Variants in RAD51B observed in about 807,000 individuals in gnomAD.
The protein encoded by RAD51B is DNA repair protein RAD51 homolog 2.
Under a neutral mutation model 42.2 loss-of-function variants are expected in RAD51B, and 38 were observed. The observed-to-expected ratio is 0.90, with a 90% CI of 0.70 to 1.18. The LOEUF (loss-of-function observed/expected upper bound fraction) is 1.18. Ranked by LOEUF, RAD51B falls within the 50% of genes most tolerant of loss-of-function variation. RAD51B has a pLI of 0.00. For synonymous variants in RAD51B, 154 were observed against 145.2 expected (o/e 1.06, Z -0.43); for missense variants, 373 against 400.7 (o/e 0.93, Z 0.59).
downstream of RAD51B, among the ~76,000 whole-genome samples, chr14:68,613,418 C>CA (rs112036417): frequency 0.25 from 35,131 of 138,390 alleles, 4,370 homozygotes; most frequent in South Asian, 0.36. Context: ...AACTCTGTCT[C>CA]AAAAAAAAAA....
intron 9 of RAD51B, among the ~76,000 whole-genome samples, chr14:68,435,521 T>C (rs1280719512): frequency 6.9e-6 from 1 of 144,348 alleles, no homozygotes; most frequent in Non-Finnish European, 1.5e-5. Flanking sequence ...GGGAGAACAA[T>C]TTATTTTCCT....
chr14:68,339,308 C>A, intron 8 of RAD51B: 3 of 904,638 alleles, frequency 3.3e-6, no homozygotes, highest in Admixed American at 3.6e-5. Flanking sequence ...GAGGCACTTA[C>A]ATCCACTTAC....
At chr14:68,612,491 T>C (rs1330769011), downstream of RAD51B, among the ~76,000 whole-genome samples, 3 of 152,176 alleles carry the variant, frequency 2.0e-5, no homozygotes, top group Admixed American at 2.0e-4. Flanking sequence ...GATGACTCTT[T>C]GCCATCAAGG....
chr14:68,336,338 A>G (rs1178497120), intron 8 of RAD51B, among the ~76,000 whole-genome samples: 1 of 152,248 alleles, frequency 6.6e-6, no homozygotes, highest in Non-Finnish European at 1.5e-5. Flanking sequence ...GCAGAATTCA[A>G]AAAGGTAAGA....
chr14:67,909,938 G>A (rs994264959), intron 7 of RAD51B, among the ~76,000 whole-genome samples: 8 of 152,162 alleles, frequency 5.3e-5, no homozygotes, highest in Non-Finnish European at 1.0e-4. Context: ...TTACAGGCAT[G>A]AGCCACCACA....
At chr14:67,934,277 T>C (rs1458191572) in intron 7 of RAD51B, among the ~76,000 whole-genome samples, 4 of 152,034 alleles carry the variant, frequency 2.6e-5, no homozygotes, top group Non-Finnish European at 5.9e-5. Context: ...CTGGTGGCAG[T>C]CTTTAAGATG....
At chr14:68,567,451 T>A (rs1889480657) in intron 10 of RAD51B, among the ~76,000 whole-genome samples, 2 of 152,188 alleles carry the variant, frequency 1.3e-5, no homozygotes, top group South Asian at 4.1e-4. Context: ...GAGTGGTACA[T>A]TTGTTACAAC....
intron 7 of RAD51B, among the ~76,000 whole-genome samples, chr14:68,007,804 T>G (rs2075615641): frequency 6.6e-6 from 1 of 151,988 alleles, no homozygotes; most frequent in African/African-American, 2.4e-5. Flanking sequence ...AGTGTTCCTT[T>G]ATGTTAATGA....
chr14:68,465,017 G>A (rs1313911159), intron 9 of RAD51B, among the ~76,000 whole-genome samples: 1 of 152,190 alleles, frequency 6.6e-6, no homozygotes, highest in African/African-American at 2.4e-5. Context: ...GCACCACAGA[G>A]TTGGAAGGCT....
intron 4 of RAD51B, among the ~76,000 whole-genome samples, chr14:67,839,253 G>C (rs1374413645): frequency 6.6e-6 from 1 of 151,810 alleles, no homozygotes; most frequent in Non-Finnish European, 1.5e-5. Context: ...GCCTATGATG[G>C]GAATTATTTG....
At chr14:68,092,965 T>C (rs976202407) in intron 7 of RAD51B, among the ~76,000 whole-genome samples, 61 of 149,858 alleles carry the variant, frequency 4.1e-4, no homozygotes, top group Non-Finnish European at 7.4e-5. Context: ...AATCATGTGG[T>C]TTTTGTCTTT....
chr14:68,018,080 A>G (rs1240441525), intron 7 of RAD51B, among the ~76,000 whole-genome samples: 1 of 152,204 alleles, frequency 6.6e-6, no homozygotes, highest in Non-Finnish European at 1.5e-5. Context: ...ATTGATAGTT[A>G]TATTGTTCTA....
intron 7 of RAD51B, among the ~76,000 whole-genome samples, chr14:68,044,051 A>G (rs1595308941): frequency 6.6e-6 from 1 of 152,318 alleles, no homozygotes; most frequent in East Asian, 1.9e-4. Context: ...GCATGATGAC[A>G]AAAACAGGTT....
chr14:68,631,758 G>T (rs564315123), intron 10 of RAD51B, among the ~76,000 whole-genome samples: 4 of 152,270 alleles, frequency 2.6e-5, no homozygotes, highest in Non-Finnish European at 5.9e-5. Context: ...CTCCTTGGCT[G>T]CCTGGCCAGC....
chr14:68,546,534 A>T (rs556112723), intron 10 of RAD51B, among the ~76,000 whole-genome samples: 18 of 152,362 alleles, frequency 1.2e-4, no homozygotes, highest in Middle Eastern at 3.4e-3. Flanking sequence ...TCCAGTAGAC[A>T]GTTGGAAATA....
chr14:68,459,835 A>G (rs918378738), intron 9 of RAD51B, among the ~76,000 whole-genome samples: 2 of 152,220 alleles, frequency 1.3e-5, no homozygotes, highest in Admixed American at 1.3e-4. Context: ...TCCTTACAGG[A>G]AGAAACTCTT....
chr14:68,172,838 A>G (rs1046596703), intron 7 of RAD51B, among the ~76,000 whole-genome samples: 2 of 152,178 alleles, frequency 1.3e-5, no homozygotes, highest in Non-Finnish European at 2.9e-5. Flanking sequence ...ATTAACTAGT[A>G]TTGGCCTCCC....
chr14:68,487,128 A>G (rs1366218697), intron 10 of RAD51B, among the ~76,000 whole-genome samples: 1 of 152,212 alleles, frequency 6.6e-6, no homozygotes, highest in African/African-American at 2.4e-5. Context: ...AAAGAATACC[A>G]CAAACTGCAT....
chr14:67,971,453 A>C (rs1017635010), intron 7 of RAD51B, among the ~76,000 whole-genome samples: 2 of 152,094 alleles, frequency 1.3e-5, no homozygotes, highest in African/African-American at 4.8e-5. Flanking sequence ...AGAGGATACC[A>C]TTGACTTGCT....
Sources: allele counts gnomAD v4.1 joint callset (sites outside exome capture counted in the v4.1 genomes callset), GRCh38; gene constraint gnomAD v4.1.1; transcripts MANE v1.5; gene names NCBI Gene and HGNC (gene_info 2026-07-23, HGNC 2026-07-21).